The following HPS3 variants were observed in gnomAD, a reference collection of about 807,000 sequenced individuals.
HPS3 encodes HPS3 biogenesis of lysosomal organelles complex 2 subunit 1, also known as BLOC-2 complex member HPS3.
Under a neutral mutation model 110.9 loss-of-function variants are expected in HPS3, and 79 were observed. The ratio of observed to expected loss-of-function variants is 0.71; its 90% CI spans 0.59 to 0.86. HPS3 has a LOEUF of 0.86. Ranked by LOEUF, HPS3 falls within the 40% of genes least tolerant of loss-of-function variation. The pLI is 0.00. For synonymous variants in HPS3, 428 were observed against 451.0 expected (o/e 0.95, Z 0.65); for missense variants, 1,197 against 1,206.2 (o/e 0.99, Z 0.11).
chr3:149,171,070 G>C (rs1724933839), intron 16 of HPS3, among the ~76,000 whole-genome samples: 1 of 152,204 alleles, frequency 6.6e-6, no homozygotes, highest in South Asian at 2.1e-4. Flanking sequence ...ATGAGGTCAA[G>C]AGATCGAGAC....
intron 8 of HPS3, among the ~76,000 whole-genome samples, chr3:149,155,778 C>G (rs780891122): frequency 6.6e-6 from 1 of 152,150 alleles, no homozygotes; most frequent in African/African-American, 2.4e-5. Flanking sequence ...TAAGTATATT[C>G]TTCCCAACCC....
intron 6 of HPS3, among the ~76,000 whole-genome samples, chr3:149,151,727 A>G (rs1362315337): frequency 6.6e-6 from 1 of 151,162 alleles, no homozygotes; most frequent in African/African-American, 2.4e-5. Flanking sequence ...ATATTGATCT[A>G]TGTTATTTTA....
In HPS3 at chr3:149,145,424, C is replaced by T. The variant is rs1327054636; in HGVS notation, c.1041C>T (p.Ser347=). The T allele has an allele frequency of 3.1e-6, 5 of 1,613,980 alleles. No homozygotes were observed. The highest frequency in any genetic ancestry group is 2.7e-5 in the African/African-American group (2 of 74,996). Residue 347 remains serine, a synonymous_variant, in exon 5 of 17, where the codon TCC becomes TCT. Transcript: ENST00000296051. ...KELLSLFCFF[S]LPHVGYLYMV... Reference sequence around the variant, plus strand: ...TGCTGAGTCTCTTTTGCTTTTTCTCCTTACCTCATGTGGGCTATCTCTACA... The same window carrying T: ...TGCTGAGTCTCTTTTGCTTTTTCTCTTTACCTCATGTGGGCTATCTCTACA...
Position 149,160,215 on chromosome 3 carries a change from C to T in HPS3, c.2042C>T (p.Ala681Val). 6.2e-7 allele frequency: 1 copy of T among 1,613,896 alleles called. No homozygotes were observed. The highest frequency in any genetic ancestry group is 8.5e-7 in the Non-Finnish European group (1 of 1,179,892). ...TCGATCTTAGTGACATTGACCAAGG[C>T]AGCAGTGGCTCTGAAAATGGGAGAT... ...FSSILVTLTKAAVALKMGDLD... is the reference protein window; with the variant it reads ...FSSILVTLTKVAVALKMGDLD... Residue 681 changes from alanine (A) to valine (V), a missense_variant, in exon 11 of 17, where the codon GCA becomes GTA. Physicochemically the swap from Ala to Val is moderately conservative, Grantham distance 64 (BLOSUM62 0). Coordinates refer to ENST00000296051, the MANE Select transcript of HPS3 (RefSeq NM_032383.5).
Position 149,146,468 on chromosome 3 carries a change from T to C in HPS3, c.1163+922T>C, listed in dbSNP as rs114434230. Among the ~76,000 whole-genome samples, 876 of 152,286 alleles carry C rather than the reference T, an allele frequency of 5.8e-3. 4 individuals carry two copies. Among genetic ancestry groups the C allele is most frequent in the Non-Finnish European group, 8.6e-3 (582 of 68,024 alleles). ...TAGCTAGAATTTTGGTAGATGAAGATTGAAAGAGATGTGCATTATAGATTG... is the reference window on the plus strand; with the variant it reads ...TAGCTAGAATTTTGGTAGATGAAGACTGAAAGAGATGTGCATTATAGATTG... On this transcript the variant is annotated intron_variant, in intron 5 of 16. Transcript: ENST00000296051.
rs533345046 is a variant in HPS3, at chr3:149,140,001, C to T, written c.218-3C>T. On this transcript the variant is annotated splice_region_variant and splice_polypyrimidine_tract_variant and intron_variant, in intron 1 of 16. Transcript: ENST00000296051. ...TCTCAGTATAATCTTCATTCCTTCT[C>T]AGGAGATTATTTGGTAGCAATTGAA... 3.7e-6 allele frequency: 6 copies of T among 1,611,510 alleles called. No individual in the cohort carries two copies. Among genetic ancestry groups the T allele is most frequent in the Non-Finnish European group, 5.1e-6 (6 of 1,177,954 alleles).
chr3:149,146,962 T>C (rs905511852), intron 5 of HPS3, among the ~76,000 whole-genome samples: 1 of 152,122 alleles, frequency 6.6e-6, no homozygotes, highest in Non-Finnish European at 1.5e-5. Context: ...TTGTGGAAGA[T>C]GGATTGAACA....
intron 5 of HPS3, among the ~76,000 whole-genome samples, chr3:149,147,509 G>A (rs190960114): frequency 1.3e-5 from 2 of 152,220 alleles, no homozygotes; most frequent in Non-Finnish European, 2.9e-5. Context: ...GGAAAAGAAA[G>A]GAATATACTA....
chr3:149,131,054 C>T (rs758937978), intron 1 of HPS3, among the ~76,000 whole-genome samples: 1 of 151,170 alleles, frequency 6.6e-6, no homozygotes, highest in Non-Finnish European at 1.5e-5. Flanking sequence ...TTGGAGATCT[C>T]TCTCTAATCC....
chr3:149,140,052 G>A lies in HPS3; in HGVS notation c.266G>A (p.Arg89His), dbSNP rs768649317. The A allele has an allele frequency of 2.0e-5, 33 of 1,612,610 alleles. No individual in the cohort carries two copies. The highest frequency in any genetic ancestry group is 8.0e-5 in the African/African-American group (6 of 74,852). ...IEEKNKATFL[R>H]AYVNWRNKRT... is the part of the protein sequence containing the mutation. ...GAGAAAAACAAAGCTACATTTCTAC[G>A]TGCTTATGTGAACTGGAGAAATAAA... Residue 89 changes from arginine (R) to histidine (H), a missense_variant, in exon 2 of 17, where the codon CGT (arginine) becomes CAT (histidine). By Grantham distance (29) the Arg-to-His change is conservative (BLOSUM62 0). Transcript: ENST00000296051.
At chr3:149,171,285 A>G (rs988737331) in intron 16 of HPS3, among the ~76,000 whole-genome samples, 1 of 152,198 alleles carries the variant, frequency 6.6e-6, no homozygotes, top group African/African-American at 2.4e-5. Context: ...TCAAAAAAAA[A>G]AAATATATTG....
intron 16 of HPS3, chr3:149,170,569 A>G (rs1724879074): frequency 6.6e-6 from 1 of 152,152 alleles, no homozygotes; most frequent in African/African-American, 2.4e-5. Context: ...TCTTAAAGCC[A>G]CTCGGTGAGT....
chr3:149,157,478 G>A lies in HPS3; in HGVS notation c.1638G>A (p.Glu546=). The A allele has an allele frequency of 6.2e-7, 1 of 1,613,920 alleles. No homozygotes were observed. The highest frequency in any genetic ancestry group is 8.5e-7 in the Non-Finnish European group (1 of 1,179,848). ...AGCTGGAACCTGGAGAGAAGGCAGA[G>A]CTTTTGGAAGCATTTAAGGAAAGCT... The part of the protein sequence containing the change: ...ASQLEPGEKA[E]LLEAFKESCG... The change falls in exon 9 of 17, where the codon GAG becomes GAA. Residue 546 remains glutamate (E), a synonymous_variant. Transcript: ENST00000296051.
At chr3:149,155,355 C>T in intron 8 of HPS3, 140 bp downstream of exon 8, 1 of 651,564 alleles carries the variant, frequency 1.5e-6, no homozygotes, top group South Asian at 1.7e-5. Context: ...GAATGTATAT[C>T]TCTCTCTGCC....
intron 15 of HPS3, among the ~76,000 whole-genome samples, 198 bp downstream of exon 15, chr3:149,167,438 T>C (rs1724535141): frequency 6.8e-6 from 1 of 146,270 alleles, no homozygotes; most frequent in Non-Finnish European, 1.5e-5. Flanking sequence ...GGAGATGGTA[T>C]ATTATCATCA....
rs200395770 is a variant in HPS3 at position 149,141,342 on chromosome 3, A to G, written c.932A>G (p.Lys311Arg). ...TCCTATGTCTTGTCTGATGACATCA[A>G]GCTACATTCCCTCCAGCTGCTACCC... ...ISSYVLSDDIKLHSLQLLPIY... is the reference protein window; with the variant it reads ...ISSYVLSDDIRLHSLQLLPIY... The change falls in exon 4 of 17, where the codon AAG becomes AGG. Residue 311 changes from lysine (K) to arginine (R), a missense_variant. Physicochemically the swap from Lys to Arg is conservative, Grantham distance 26 (BLOSUM62 2). Coordinates refer to ENST00000296051, the MANE Select transcript of HPS3 (RefSeq NM_032383.5). The G allele has an allele frequency of 1.8e-5, 29 of 1,613,978 alleles. No homozygotes were observed. The highest frequency in any genetic ancestry group is 8.3e-5 in the Admixed American group (5 of 60,008).
At chr3:149,153,757 C>CT in intron 7 of HPS3, 109 bp downstream of exon 7, 3 of 1,128,902 alleles carry the variant, frequency 2.7e-6, no homozygotes, top group Non-Finnish European at 4.0e-6. Context: ...GATCAAATGG[C>CT]TTTTTTATGG....
chr3:149,148,797 A>G (rs1345352371), intron 5 of HPS3, among the ~76,000 whole-genome samples: 1 of 152,062 alleles, frequency 6.6e-6, no homozygotes, highest in African/African-American at 2.4e-5. Context: ...CTGTTCAGCA[A>G]CTTGCTATTT....
intron 10 of HPS3, 114 bp downstream of exon 10, chr3:149,158,960 C>T (rs1390372881): frequency 1.4e-6 from 1 of 736,266 alleles, no homozygotes; most frequent in African/African-American, 1.8e-5. Flanking sequence ...CTTTGATACT[C>T]TTTTTCTAAA....
Sources: gnomAD v4.1 joint callset for allele counts (sites outside exome capture counted in the v4.1 genomes callset) on GRCh38, gnomAD v4.1.1 for gene constraint, MANE v1.5 for transcripts, NCBI Gene and HGNC (gene_info 2026-07-23, HGNC 2026-07-21) for gene names.